The following PCDHGA8 variants were observed in gnomAD, a reference collection of about 807,000 sequenced individuals.
PCDHGA8 encodes the protein protocadherin gamma subfamily A, 8, also known as protocadherin gamma-A8.
Under a neutral mutation model 59.2 loss-of-function variants are expected in PCDHGA8, and 45 were observed. That is an observed-to-expected ratio of 0.76 (90% CI 0.60 to 0.98). The LOEUF (loss-of-function observed/expected upper bound fraction) is 0.98. Among genes scored for constraint, PCDHGA8 ranks in the 50% least tolerant of loss-of-function variants. PCDHGA8 has a pLI of 0.00. For synonymous variants in PCDHGA8, 531 were observed against 519.0 expected (o/e 1.02, Z -0.32); for missense variants, 1,257 against 1,196.2 (o/e 1.05, Z -0.75).
rs1384424498 is a variant in PCDHGA8, at chr5:141,431,677, G to A, written c.2424+36440G>A. On this transcript the variant is annotated intron_variant, in intron 1 of 3. Coordinates refer to ENST00000398604, the MANE Select transcript of PCDHGA8 (RefSeq NM_032088.2). This position sits in a 1 kb window ranked among gnomAD's most constrained non-coding sequence, Gnocchi z 4.8. The stretch of plus-strand genomic sequence containing the variant: ...CAGGGACAATATCAACAATAGGGGA[G>A]TTGGACCACGAGGAGTCAGGATTCT... 2 of 1,614,236 alleles carry A rather than the reference G, an allele frequency of 1.2e-6. No homozygotes were observed. The highest frequency in any genetic ancestry group is 1.7e-6 in the Non-Finnish European group (2 of 1,180,050).
Position 141,491,019 on chromosome 5 carries a change from A to G in PCDHGA8, c.2425-3788A>G. 5 of 1,614,116 alleles carry G rather than the reference A, an allele frequency of 3.1e-6. No individual in the cohort carries two copies. The highest frequency in any genetic ancestry group is 4.2e-6 in the Non-Finnish European group (5 of 1,180,026). ...CTGGCTCCTTGGTCACCAAGGTGAC[A>G]GCCGTGGATGCTGATGCAGGCCACA... On this transcript the variant is annotated intron_variant, in intron 1 of 3. Coordinates refer to ENST00000398604, the MANE Select transcript of PCDHGA8 (RefSeq NM_032088.2). This position sits in a 1 kb window ranked among gnomAD's most constrained non-coding sequence, Gnocchi z 6.9.
At chr5:141,455,634 G>C (rs1429708887) in intron 1 of PCDHGA8, among the ~76,000 whole-genome samples, 1 of 152,110 alleles carries the variant, frequency 6.6e-6, no homozygotes. Context: ...GAGATATGTG[G>C]GGGGCAGCCA....
intron 1 of PCDHGA8, chr5:141,427,307 T>C (rs745903769): frequency 4.4e-6 from 2 of 456,906 alleles, no homozygotes; most frequent in South Asian, 1.5e-5. Flanking sequence ...AGAATGACAA[T>C]GCCCCAGACG....
rs199519740 is a variant in PCDHGA8 at position 141,394,287 on chromosome 5, A to C, written c.1474A>C (p.Thr492Pro). Residue 492 changes from threonine (T) to proline (P), a missense_variant, in exon 1 of 4, where the codon ACC becomes CCC. By Grantham distance (38) the Thr-to-Pro change is conservative. Transcript: ENST00000398604. ...QENAQVTYSV[T>P]EDTLQGAPLS... ...GAATGCCCAGGTCACTTACTCTGTG[A>C]CCGAGGACACGCTGCAGGGGGCGCC... 122 of 1,613,772 alleles carry C rather than the reference A, an allele frequency of 7.6e-5. No individual in the cohort carries two copies. Among genetic ancestry groups the C allele is most frequent in the Non-Finnish European group, 9.6e-5 (113 of 1,179,878 alleles).
intron 1 of PCDHGA8, among the ~76,000 whole-genome samples, chr5:141,451,854 C>T (rs1243479409): frequency 6.6e-6 from 1 of 152,058 alleles, no homozygotes; most frequent in Non-Finnish European, 1.5e-5. Flanking sequence ...CCACTCCAGC[C>T]TAGGCCACAG....
In PCDHGA8 at chr5:141,393,889, A is replaced by T. The variant is rs771844364; in HGVS notation, c.1076A>T (p.Asn359Ile). 3 of 1,613,998 alleles carry T rather than the reference A, an allele frequency of 1.9e-6. No individual in the cohort carries two copies. The highest frequency in any genetic ancestry group is 3.3e-5 in the Admixed American group (2 of 60,030). ...ITSLFSPVLE[N>I]SLPGTVIAFL... ...TCTTTGTTTAGCCCAGTGTTAGAAA[A>T]TTCTCTTCCCGGGACAGTAATTGCC... The change falls in exon 1 of 4, where the codon AAT (asparagine) becomes ATT (isoleucine). Residue 359 changes from asparagine (N) to isoleucine (I), a missense_variant. Asn to Ile is a moderately radical substitution (Grantham distance 149, BLOSUM62 -3). Coordinates refer to ENST00000398604, the MANE Select transcript of PCDHGA8 (RefSeq NM_032088.2).
intron 1 of PCDHGA8, chr5:141,410,849 C>CTTTTTTTTTTTTTTGTTTTTTTT (rs2095434772): frequency 7.7e-6 from 1 of 129,786 alleles, no homozygotes; most frequent in Admixed American, 1.1e-4. Flanking sequence ...TTGTCTTTGT[C>CTTTTTTTTTTTTTTGTTTTTTTT]TTTTTTTTTT....
At chr5:141,443,759 A>G (rs1055796439) in intron 1 of PCDHGA8, among the ~76,000 whole-genome samples, 2 of 152,228 alleles carry the variant, frequency 1.3e-5, no homozygotes, top group African/African-American at 2.4e-5. Flanking sequence ...GAAGCTTACA[A>G]TATACAATAT....
chr5:141,418,523 C>G (rs2096266495), intron 1 of PCDHGA8: 1 of 1,613,958 alleles, frequency 6.2e-7, no homozygotes, highest in Non-Finnish European at 8.5e-7. Context: ...GGACCCTCCC[C>G]GAAGCGGTAC....
chr5:141,414,550 G>C, intron 1 of PCDHGA8: 1 of 1,613,948 alleles, frequency 6.2e-7, no homozygotes, highest in Non-Finnish European at 8.5e-7. Context: ...CTTCTCTCAA[G>C]TCTCCTACTT....
At chr5:141,457,555 C>A (rs1425159883) in intron 1 of PCDHGA8, among the ~76,000 whole-genome samples, 2 of 152,168 alleles carry the variant, frequency 1.3e-5, no homozygotes. Context: ...GTATGATAAG[C>A]TTTGGAGCAA....
chr5:141,450,831 T>TATTA (rs761717068), intron 1 of PCDHGA8, among the ~76,000 whole-genome samples: 2 of 144,580 alleles, frequency 1.4e-5, no homozygotes, highest in South Asian at 2.2e-4. Flanking sequence ...TTATTATTAT[T>TATTA]TTTTTTTTTT....
chr5:141,416,412 A>G (rs1391280535), intron 1 of PCDHGA8: 1 of 152,182 alleles, frequency 6.6e-6, no homozygotes, highest in Non-Finnish European at 1.5e-5. Flanking sequence ...TTTTTGTTAA[A>G]TTTTCTAGTG....
At chr5:141,403,688 A>G (rs1385402830) in intron 1 of PCDHGA8, 1 of 1,613,836 alleles carries the variant, frequency 6.2e-7, no homozygotes, top group Non-Finnish European at 8.5e-7. Flanking sequence ...TGCTCAACGG[A>G]TTTACCGAGT....
chr5:141,502,173 T>C (rs1377892969), intron 2 of PCDHGA8, among the ~76,000 whole-genome samples: 2 of 152,178 alleles, frequency 1.3e-5, no homozygotes, highest in African/African-American at 4.8e-5. Flanking sequence ...AGTTGAGGAA[T>C]TTAACATTAA....
At chr5:141,473,966 G>A (rs1268822103) in intron 1 of PCDHGA8, among the ~76,000 whole-genome samples, 3 of 152,174 alleles carry the variant, frequency 2.0e-5, no homozygotes, top group Non-Finnish European at 4.4e-5. Context: ...CTACTTAGAA[G>A]TCTGAGGCGG....
intron 1 of PCDHGA8, among the ~76,000 whole-genome samples, chr5:141,472,508 C>T (rs140607073): frequency 0.01 from 1,548 of 151,922 alleles, 35 homozygotes; most frequent in African/African-American, 0.035. Flanking sequence ...CCACTGCACT[C>T]CAGCCTGGGT....
intron 1 of PCDHGA8, among the ~76,000 whole-genome samples, chr5:141,425,257 G>A (rs746250240): frequency 6.6e-6 from 1 of 152,152 alleles, no homozygotes; most frequent in Non-Finnish European, 1.5e-5. Context: ...TGAGGTATTT[G>A]GCTGGGAAAA....
chr5:141,472,339 A>T (rs1330302365), intron 1 of PCDHGA8, among the ~76,000 whole-genome samples: 1 of 151,906 alleles, frequency 6.6e-6, no homozygotes, highest in Non-Finnish European at 1.5e-5. Flanking sequence ...TGGGAGATCG[A>T]GACCATCCTG....
Sources: allele counts gnomAD v4.1 joint callset (sites outside exome capture counted in the v4.1 genomes callset), GRCh38; gene constraint gnomAD v4.1.1; non-coding constraint Gnocchi (gnomAD v3.1); transcripts MANE v1.5; gene names NCBI Gene and HGNC (gene_info 2026-07-23, HGNC 2026-07-21).